Variants in NR1D1 observed in about 807,000 individuals in gnomAD.
The protein encoded by NR1D1 is nuclear receptor subfamily 1 group D member 1.
Under a neutral mutation model 51.1 loss-of-function variants are expected in NR1D1, and 17 were observed. The ratio of observed to expected loss-of-function variants is 0.33; its 90% CI spans 0.23 to 0.50. NR1D1 has a LOEUF of 0.50. Ranked by LOEUF, NR1D1 falls within the 20% of genes least tolerant of loss-of-function variation. The probability of loss-of-function intolerance (pLI) is 0.98; values close to 1 mark genes in which losing one functional copy is unlikely to be tolerated. For synonymous variants in NR1D1, 341 were observed against 333.4 expected (o/e 1.02, Z -0.25); for missense variants, 647 against 830.4 (o/e 0.78, Z 2.71).
In NR1D1 at chr17:40,097,108, G is replaced by GTCC. The variant is rs778452400; in HGVS notation, c.324_326dup (p.Glu108dup). On this transcript the variant is annotated inframe_insertion, in exon 2 of 8. Coordinates refer to ENST00000246672, the MANE Select transcript of NR1D1 (RefSeq NM_021724.5). ...TCTTGCTGGGGGACACTCGGCTGCT[G>GTCC]TCCTCCATGGCCACTTGTAGACTCC... The GTCC allele has an allele frequency of 6.5e-4, 1,038 of 1,609,170 alleles. No individual in the cohort carries two copies. The highest frequency in any genetic ancestry group is 7.8e-4 in the Non-Finnish European group (916 of 1,177,352).
rs1363354042 is a variant in NR1D1, at chr17:40,095,674, G to A, written c.1018C>T (p.Pro340Ser). ...GCAGCCAAGGTGTTGTTGTCATTGG[G>A]GGCAGGTGGGCAGCCCTGATTTTCC... ...RWENQGCPPA[P>S]NDNNTLAAQR... The change falls in exon 5 of 8, where the codon CCC becomes TCC. Residue 340 changes from proline (P) to serine (S), a missense_variant. This residue lies in a region of NR1D1 where 185 missense variants were observed against 176.3 expected (regional missense o/e 1.05). Coordinates refer to ENST00000246672, the MANE Select transcript of NR1D1 (RefSeq NM_021724.5). 1 of 1,612,400 alleles carries A rather than the reference G, an allele frequency of 6.2e-7. No individual in the cohort carries two copies. The highest frequency in any genetic ancestry group is 1.7e-5 in the Admixed American group (1 of 59,926).
At chr17:40,094,626 A>C (rs1490482525) in intron 6 of NR1D1, among the ~76,000 whole-genome samples, 1 of 152,254 alleles carries the variant, frequency 6.6e-6, no homozygotes, top group African/African-American at 2.4e-5. Context: ...GTCTGGGTGC[A>C]ATGGCTCACG....
chr17:40,093,714 C>T lies in NR1D1; in HGVS notation c.1645+198G>A, dbSNP rs1475775358. The T allele has an allele frequency of 3.1e-6, 2 of 642,032 alleles. No homozygotes were observed. The highest frequency in any genetic ancestry group is 5.8e-5 in the Admixed American group (2 of 34,524). The allele number at this position is 642,032 out of a possible 1,614,324, so 39.8% of individuals were successfully genotyped here. On this transcript the variant is annotated intron_variant, in intron 7 of 7. Transcript: ENST00000246672. The surrounding 1 kb of genome is among the most constrained non-coding windows in gnomAD (Gnocchi z 5.9). ...GTTGTCTGTGCTTCCTTGGTTCATG[C>T]TTCTACTGTGACACTTATCTCACTG...
At position 40,093,641 on chromosome 17, in the gene NR1D1, C is replaced by T. The variant is rs1287292295; in HGVS notation, c.1645+271G>A. Reference sequence around the variant, plus strand: ...GCAACATCTTACTTGTCCTTTGAGGCCCCAACTCAAGTGTCACCTCCTTCC... The same window carrying T: ...GCAACATCTTACTTGTCCTTTGAGGTCCCAACTCAAGTGTCACCTCCTTCC... On this transcript the variant is annotated intron_variant, in intron 7 of 7. Transcript: ENST00000246672. This position sits in a 1 kb window ranked among gnomAD's most constrained non-coding sequence, Gnocchi z 5.9. The T allele has an allele frequency of 3.0e-6, 2 of 665,538 alleles. No homozygotes were observed. Among genetic ancestry groups the T allele is most frequent in the Admixed American group, 2.9e-5 (1 of 34,002 alleles). 41.2% of individuals were successfully genotyped at this position (665,538 alleles called of 1,614,324 possible). A position where few individuals can be genotyped will look rare whatever the true frequency, so the allele number is the denominator to read the frequency against.
chr17:40,100,117 C>T lies in NR1D1; in HGVS notation c.-23G>A, dbSNP rs764717547. The T allele has an allele frequency of 2.5e-6, 4 of 1,600,660 alleles. 1 individual carries two copies. In the South Asian group the frequency reaches 3.3e-5, roughly 13 times the overall value. ...CATGTCTTCACCAGCTGAGAGCGGT[C>T]ATTCAAACTGGACCTTGACTCAAAC... is the stretch of plus-strand genomic sequence containing the variant. On this transcript the variant is annotated 5_prime_UTR_variant, in exon 1 of 8. An upstream start codon of the reference 5' UTR is lost. Coordinates refer to ENST00000246672, the MANE Select transcript of NR1D1 (RefSeq NM_021724.5).
Position 40,095,104 on chromosome 17 carries a change from A to C in NR1D1, c.1265T>G (p.Met422Arg). 2 of 1,612,920 alleles carry C rather than the reference A, an allele frequency of 1.2e-6. No individual in the cohort carries two copies. Among genetic ancestry groups the C allele is most frequent in the East Asian group, 2.2e-5 (1 of 44,862 alleles). The change falls in exon 6 of 8, where the codon ATG becomes AGG. Residue 422 changes from methionine to arginine, a missense_variant. By Grantham distance (91) the Met-to-Arg change is moderately conservative (BLOSUM62 -1). Coordinates refer to ENST00000246672, the MANE Select transcript of NR1D1 (RefSeq NM_021724.5). The stretch of plus-strand genomic sequence containing the variant: ...TCGCCCACTGCGTCCATGCGGGTAC[A>C]TGTTCATAGGACATGCCTGGGGGAG... ...KNVLLACPMN[M>R]YPHGRSGRTV... is the part of the protein sequence containing the mutation.
chr17:40,098,895 AGAGTG>A (rs1987816423), intron 1 of NR1D1, among the ~76,000 whole-genome samples: 1 of 152,180 alleles, frequency 6.6e-6, no homozygotes. Context: ...GGTGCAAATA[AGAGTG>A]AAGTGGAAAG....
At chr17:40,094,669 G>A (rs892585570) in intron 6 of NR1D1, among the ~76,000 whole-genome samples, 38 of 152,224 alleles carry the variant, frequency 2.5e-4, no homozygotes, top group South Asian at 2.1e-4. Flanking sequence ...AGTCCAAGGC[G>A]GGCAGATCAC....
chr17:40,097,489 C>A, intron 1 of NR1D1, 86 bp from the exon 2 acceptor site: 1 of 1,080,826 alleles, frequency 9.3e-7, no homozygotes, highest in African/African-American at 1.6e-5. Flanking sequence ...ACCTGTCTGC[C>A]CAAAACATTG....
Position 40,096,503 on chromosome 17 carries a change from G to A in NR1D1, c.544C>T (p.Arg182Cys). ...AAGCGACATTGCTGGCAGCGGTTGC[G>A]ATTGATGCGGACGATGGAGCAATTC... ...NENCSIVRIN[R>C]NRCQQCRFKK... Residue 182 changes from arginine (R) to cysteine (C), a missense_variant, in exon 4 of 8, where the codon CGC becomes TGC. Around this residue, in one of 7 missense-constraint regions of NR1D1, gnomAD observed 70 missense variants for 134.8 expected, o/e 0.52. Coordinates refer to ENST00000246672, the MANE Select transcript of NR1D1 (RefSeq NM_021724.5). 3 of 1,614,242 alleles carry A rather than the reference G, an allele frequency of 1.9e-6. No homozygotes were observed. Among genetic ancestry groups the A allele is most frequent in the African/African-American group, 1.3e-5 (1 of 75,062 alleles).
chr17:40,093,890 G>T lies in NR1D1; in HGVS notation c.1645+22C>A, dbSNP rs865804830. On this transcript the variant is annotated intron_variant, in intron 7 of 7. Coordinates refer to ENST00000246672, the MANE Select transcript of NR1D1 (RefSeq NM_021724.5). This position sits in a 1 kb window ranked among gnomAD's most constrained non-coding sequence, Gnocchi z 5.9. ...GAACTGCGTCTGCCTCCTCCCCCGG[G>T]TCAGGCGAGAGCCTGACCTACCTGC... 13 of 1,605,180 alleles carry T rather than the reference G, an allele frequency of 8.1e-6. 2 individuals are homozygous for T. The Middle Eastern group carries it at 2.3e-3, about 289-fold the overall frequency.
rs554024866 is a variant in NR1D1 at position 40,093,795 on chromosome 17, T to C, written c.1645+117A>G. 2.1e-5 allele frequency: 18 copies of C among 859,768 alleles called. No homozygotes were observed. Among genetic ancestry groups the C allele is most frequent in the Non-Finnish European group, 3.1e-5 (17 of 545,186 alleles). The allele number at this position is 859,768 out of a possible 1,614,324, so 53.3% of individuals were successfully genotyped here. On this transcript the variant is annotated intron_variant, in intron 7 of 7. Transcript: ENST00000246672. The surrounding 1 kb of genome is among the most constrained non-coding windows in gnomAD (Gnocchi z 5.9). ...CCCAAGCTAGACTGTGTCTGAATCATGTCTGTATCCCCAGTGCCCGGTGCA... is the reference window on the plus strand; with the variant it reads ...CCCAAGCTAGACTGTGTCTGAATCACGTCTGTATCCCCAGTGCCCGGTGCA...
chr17:40,100,424 C>T lies in NR1D1; in HGVS notation c.-330G>A, dbSNP rs1040998118. On this transcript the variant is annotated 5_prime_UTR_variant, in exon 1 of 8. Coordinates refer to ENST00000246672, the MANE Select transcript of NR1D1 (RefSeq NM_021724.5). ...ACGGGGTGCCTCTGCCTGCCGGCTC[C>T]GCAGCGCTGCGGGGTGGCGAATCTG... is the stretch of plus-strand genomic sequence containing the variant. 4 of 463,118 alleles carry T rather than the reference C, an allele frequency of 8.6e-6. No homozygotes were observed. The highest frequency in any genetic ancestry group is 6.0e-5 in the African/African-American group (3 of 50,314). The allele number at this position is 463,118 out of a possible 1,614,324, so 28.7% of individuals were successfully genotyped here.
chr17:40,096,195 T>A (rs1987759611), intron 4 of NR1D1, 108 bp from the exon 5 acceptor site: 1 of 1,470,940 alleles, frequency 6.8e-7, no homozygotes, highest in Non-Finnish European at 9.1e-7. Context: ...GGGTTTCACA[T>A]CAAAACTAAA....
rs147503529 is a variant in NR1D1 at position 40,095,984 on chromosome 17, C to A, written c.708G>T (p.Pro236=). The change falls in exon 5 of 8, where the codon CCG becomes CCT. Residue 236 remains proline (P), a synonymous_variant. Coordinates refer to ENST00000246672, the MANE Select transcript of NR1D1 (RefSeq NM_021724.5). The stretch of plus-strand genomic sequence containing the variant: ...GGTGCTGGGTGGGTGAAGTCTCCAG[C>A]GGGCACTGGCTGCTCAACTGGTTGT... ...LANNQLSSQC[P]LETSPTQHPT... The A allele has an allele frequency of 6.2e-7, 1 of 1,612,564 alleles. No individual in the cohort carries two copies.
chr17:40,096,233 G>C (rs922316001), intron 4 of NR1D1, 146 bp from the exon 5 acceptor site: 1 of 1,344,046 alleles, frequency 7.4e-7, no homozygotes, highest in African/African-American at 1.5e-5. Context: ...CATCAAGGGG[G>C]TTTCCCTAGG....
In NR1D1 at chr17:40,096,531, A is replaced by G. The variant is rs1296041206; in HGVS notation, c.516T>C (p.Asn172=). 5.0e-6 allele frequency: 8 copies of G among 1,614,212 alleles called. No homozygotes were observed. In the South Asian group the frequency reaches 6.6e-5, roughly 13 times the overall value. The change falls in exon 4 of 8, where the codon AAT becomes AAC. Residue 172 remains asparagine (N), a synonymous_variant. Transcript: ENST00000246672. ...QNIQYKRCLK[N]ENCSIVRINR... ...TGATGCGGACGATGGAGCAATTCTC[A>G]TTCTTCAGACACCTTTTGTACTGGA...
Position 40,096,603 on chromosome 17 carries a change from G to T in NR1D1, c.460-16C>A, listed in dbSNP as rs201131603. On this transcript the variant is annotated splice_polypyrimidine_tract_variant and intron_variant, in intron 3 of 7. Coordinates refer to ENST00000246672, the MANE Select transcript of NR1D1 (RefSeq NM_021724.5). ...GGAAAAAGCCCTGGAGGGCAGGGGTGGTTAGTGACCACCTCCATCATGGCT... is the reference window on the plus strand; with the variant it reads ...GGAAAAAGCCCTGGAGGGCAGGGGTTGTTAGTGACCACCTCCATCATGGCT... 8.7e-6 allele frequency: 14 copies of T among 1,613,704 alleles called. No individual in the cohort carries two copies. The highest frequency in any genetic ancestry group is 1.2e-5 in the Non-Finnish European group (14 of 1,179,682).
intron 1 of NR1D1, among the ~76,000 whole-genome samples, chr17:40,099,310 AGGG>A: frequency 6.6e-6 from 1 of 152,136 alleles, no homozygotes; most frequent in Non-Finnish European, 1.5e-5. Context: ...AGGACAACCT[AGGG>A]GAGGAGAGAA....
Sources: gnomAD v4.1 joint callset for allele counts (sites outside exome capture counted in the v4.1 genomes callset) on GRCh38, gnomAD v4.1.1 for gene constraint, gnomAD v4.1.1 regional missense constraint, Gnocchi (gnomAD v3.1) non-coding constraint, MANE v1.5 for transcripts, NCBI Gene and HGNC (gene_info 2026-07-23, HGNC 2026-07-21) for gene names.